The following CHCHD6 variants were observed in gnomAD, a reference collection of about 807,000 sequenced individuals.
CHCHD6 encodes the protein coiled-coil-helix-coiled-coil-helix domain containing 6.
Under a neutral mutation model 32.3 loss-of-function variants are expected in CHCHD6, and 28 were observed. The ratio of observed to expected loss-of-function variants is 0.87; its 90% CI spans 0.64 to 1.19. CHCHD6 has a LOEUF of 1.19. CHCHD6 is among the 50% of genes most tolerant of loss of function. The probability of loss-of-function intolerance (pLI) is 0.00; values close to 1 mark genes in which losing one functional copy is unlikely to be tolerated. For synonymous variants in CHCHD6, 122 were observed against 117.5 expected (o/e 1.04, Z -0.25); for missense variants, 333 against 307.0 (o/e 1.08, Z -0.63).
At chr3:126,786,651 C>T (rs925283918) in intron 4 of CHCHD6, among the ~76,000 whole-genome samples, 7 of 152,142 alleles carry the variant, frequency 4.6e-5, no homozygotes, top group Non-Finnish European at 1.0e-4. Flanking sequence ...TGTTCATATC[C>T]TTCGCCCACT....
chr3:126,858,451 G>T (rs1308639223), intron 5 of CHCHD6, among the ~76,000 whole-genome samples: 2 of 152,154 alleles, frequency 1.3e-5, no homozygotes, highest in Non-Finnish European at 2.9e-5. Context: ...AGCTGAGGAA[G>T]GCAGCCCAGC....
intron 4 of CHCHD6, among the ~76,000 whole-genome samples, chr3:126,776,908 G>GC (rs199596867): frequency 2.4e-3 from 372 of 152,234 alleles, no homozygotes; most frequent in African/African-American, 8.5e-3. Context: ...AAAGTGACTT[G>GC]CCCCAGGCCA....
Position 126,746,617 on chromosome 3 carries a change from G to A in CHCHD6, c.411+13395G>A, listed in dbSNP as rs534327807. Among the ~76,000 whole-genome samples, 40 of 152,244 alleles carry A rather than the reference G, an allele frequency of 2.6e-4. No individual in the cohort carries two copies. The South Asian group carries it at 6.4e-3, about 24-fold the overall frequency. ...TAGCTGACTGGTTGGACATGATGTC[G>A]GCACCTTATCTTCGTGCTGACACAC... On this transcript the variant is annotated intron_variant, in intron 4 of 7. Coordinates refer to ENST00000290913, the MANE Select transcript of CHCHD6 (RefSeq NM_032343.3).
chr3:126,825,151 A>AT lies in CHCHD6; in HGVS notation c.412-27487dup, dbSNP rs367987862. On this transcript the variant is annotated intron_variant, in intron 4 of 7. Transcript: ENST00000290913. ...TCAAAATATTTTCTAATCTATTTTG[A>AT]TTTTTTTTTGAATTTGAGGTATATA... Among the ~76,000 whole-genome samples, 460 of 150,748 alleles carry AT rather than the reference A, an allele frequency of 3.1e-3. 3 individuals are homozygous for AT. Among genetic ancestry groups the AT allele is most frequent in the African/African-American group, 9.8e-3 (402 of 41,108 alleles).
intron 1 of CHCHD6, among the ~76,000 whole-genome samples, chr3:126,714,998 T>G (rs555977038): frequency 7.9e-5 from 12 of 152,314 alleles, no homozygotes; most frequent in African/African-American, 2.6e-4. Flanking sequence ...TTTTTAAGGC[T>G]AAAAACATAC....
intron 4 of CHCHD6, among the ~76,000 whole-genome samples, chr3:126,804,474 A>G (rs1939252001): frequency 6.6e-6 from 1 of 152,252 alleles, no homozygotes; most frequent in South Asian, 2.1e-4. Flanking sequence ...AGAAATGGAT[A>G]AATTCCTCGA....
In CHCHD6 at chr3:126,960,188, C is replaced by T. The variant is rs1250691304; in HGVS notation, c.703-8C>T. 6.4e-7 allele frequency: 1 copy of T among 1,551,538 alleles called. No homozygotes were observed. Among genetic ancestry groups the T allele is most frequent in the Non-Finnish European group, 8.7e-7 (1 of 1,146,936 alleles). On this transcript the variant is annotated splice_region_variant and splice_polypyrimidine_tract_variant and intron_variant, in intron 7 of 7. Transcript: ENST00000290913. ...CCCTGACTCAACTCTGACCTGTTCT[C>T]TTTGTAGGGCTGAGGAGCAGACATC... is the stretch of plus-strand genomic sequence containing the variant.
At chr3:126,791,798 A>G (rs1418769481) in intron 4 of CHCHD6, among the ~76,000 whole-genome samples, 1 of 152,130 alleles carries the variant, frequency 6.6e-6, no homozygotes, top group Admixed American at 6.6e-5. Flanking sequence ...TTTAGTAGAG[A>G]CAGGGTTTCA....
At chr3:126,900,329 A>G (rs2077903911) in intron 5 of CHCHD6, among the ~76,000 whole-genome samples, 2 of 152,202 alleles carry the variant, frequency 1.3e-5, no homozygotes, top group African/African-American at 4.8e-5. Context: ...GTGTTGTGAG[A>G]ATCAAAGGAG....
At chr3:126,735,464 T>C (rs980788790) in intron 4 of CHCHD6, among the ~76,000 whole-genome samples, 2 of 152,258 alleles carry the variant, frequency 1.3e-5, no homozygotes, top group Admixed American at 1.3e-4. Flanking sequence ...ATTTTCTGAC[T>C]GCTCAGCGTT....
At chr3:126,891,201 G>A (rs1280540863) in intron 5 of CHCHD6, among the ~76,000 whole-genome samples, 9 of 152,204 alleles carry the variant, frequency 5.9e-5, no homozygotes. Flanking sequence ...TACCATGTCG[G>A]AAAGGCCTGG....
At chr3:126,818,693 T>C (rs1422963914) in intron 4 of CHCHD6, among the ~76,000 whole-genome samples, 1 of 152,196 alleles carries the variant, frequency 6.6e-6, no homozygotes, top group African/African-American at 2.4e-5. Context: ...TGAAAGGCAG[T>C]GGGCCTCATT....
intron 4 of CHCHD6, among the ~76,000 whole-genome samples, chr3:126,746,530 C>G (rs1936510306): frequency 6.6e-6 from 1 of 152,132 alleles, no homozygotes; most frequent in African/African-American, 2.4e-5. Context: ...AGGATCCGCC[C>G]AAGAGCCTCT....
intron 1 of CHCHD6, among the ~76,000 whole-genome samples, chr3:126,707,744 AC>A (rs895256209): frequency 6.6e-6 from 1 of 152,202 alleles, no homozygotes; most frequent in African/African-American, 2.4e-5. Flanking sequence ...CTGATTCTGG[AC>A]CACGGTGGAG....
chr3:126,960,257 A>G lies in CHCHD6; in HGVS notation c.*56A>G, dbSNP rs572131563. On this transcript the variant is annotated 3_prime_UTR_variant, in exon 8 of 8. Coordinates refer to ENST00000290913, the MANE Select transcript of CHCHD6 (RefSeq NM_032343.3). Reference sequence around the variant, plus strand: ...GACTTGGAGCCCTGAAGAAGGGACCAATCATGGGACCACAGCCACTGTGCC... The same window carrying G: ...GACTTGGAGCCCTGAAGAAGGGACCGATCATGGGACCACAGCCACTGTGCC... 6.5e-7 allele frequency: 1 copy of G among 1,548,320 alleles called. No individual in the cohort carries two copies. The highest frequency in any genetic ancestry group is 2.0e-5 in the Admixed American group (1 of 51,002).
intron 5 of CHCHD6, among the ~76,000 whole-genome samples, chr3:126,888,932 G>A (rs11927225): frequency 0.057 from 8,687 of 152,238 alleles, 786 homozygotes; most frequent in African/African-American, 0.19. Context: ...GGAGGCCCAC[G>A]TGTGGTGCTT....
At chr3:126,888,726 T>C (rs547563292) in intron 5 of CHCHD6, among the ~76,000 whole-genome samples, 8 of 152,328 alleles carry the variant, frequency 5.3e-5, no homozygotes, top group African/African-American at 1.9e-4. Flanking sequence ...ACCTGCTCTC[T>C]GGGTGCACTC....
intron 4 of CHCHD6, among the ~76,000 whole-genome samples, chr3:126,759,236 T>C (rs1937077801): frequency 1.3e-5 from 2 of 152,258 alleles, no homozygotes; most frequent in Non-Finnish European, 1.5e-5. Context: ...CAGGCCTCAC[T>C]CTACCTGTAT....
At chr3:126,793,940 C>T (rs1204015410) in intron 4 of CHCHD6, among the ~76,000 whole-genome samples, 1 of 152,110 alleles carries the variant, frequency 6.6e-6, no homozygotes, top group African/African-American at 2.4e-5. Flanking sequence ...CTTCTGGCCT[C>T]CATGGTTTCT....
Sources: gnomAD v4.1 joint callset for allele counts (sites outside exome capture counted in the v4.1 genomes callset) on GRCh38, gnomAD v4.1.1 for gene constraint, MANE v1.5 for transcripts, NCBI Gene and HGNC (gene_info 2026-07-23, HGNC 2026-07-21) for gene names.